MARCHF4: variants seen among roughly 807,000 people sequenced by gnomAD.
The protein encoded by MARCHF4 is membrane associated ring-CH-type finger 4, also known as E3 ubiquitin-protein ligase MARCHF4.
A neutral mutation model predicts 43.9 loss-of-function variants in MARCHF4; 14 were observed. That is an observed-to-expected ratio of 0.32 (90% CI 0.21 to 0.50). MARCHF4 has a LOEUF of 0.50. MARCHF4 is among the 20% of genes least tolerant of loss of function. The pLI is 0.98. For missense variants in MARCHF4, 468 were observed against 536.7 expected (o/e 0.87, Z 1.27); for synonymous variants, 226 against 213.3 (o/e 1.06, Z -0.52).
intron 3 of MARCHF4, chr2:216,265,535 G>T (rs60539512): frequency 0.16 from 23,741 of 151,222 alleles, 2,011 homozygotes; most frequent in South Asian, 0.25. Flanking sequence ...TCTCTCTGTT[G>T]CCCAGGCTGG....
intron 1 of MARCHF4, among the ~76,000 whole-genome samples, chr2:216,316,542 AGT>A (rs1346321190): frequency 6.6e-6 from 1 of 152,202 alleles, no homozygotes; most frequent in Non-Finnish European, 1.5e-5. Flanking sequence ...ATAGGTCCAC[AGT>A]CCTGGGAAAT....
At chr2:216,269,572 T>C (rs377175541) in intron 3 of MARCHF4, among the ~76,000 whole-genome samples, 16 of 152,316 alleles carry the variant, frequency 1.1e-4, no homozygotes, top group African/African-American at 3.9e-4. Flanking sequence ...ATTCTGATTA[T>C]AACAGTTTCG....
In MARCHF4 at chr2:216,329,273, C is replaced by T. The variant is rs142772455; in HGVS notation, c.516+40472G>A. ...GCGGGCACCTGTAGTCCCAGCTACT[C>T]GGGAGGCGGAGGCAGGAGAATGGCG... On this transcript the variant is annotated intron_variant, in intron 1 of 3. Transcript: ENST00000273067. Among the ~76,000 whole-genome samples the T allele has an allele frequency of 2.9e-3, 442 of 152,030 alleles. 3 individuals are homozygous for T. Among genetic ancestry groups the T allele is most frequent in the African/African-American group, 0.01 (427 of 41,456 alleles).
intron 1 of MARCHF4, among the ~76,000 whole-genome samples, chr2:216,349,043 G>T (rs1449462630): frequency 1.3e-5 from 2 of 151,810 alleles, no homozygotes; most frequent in Non-Finnish European, 2.9e-5. Flanking sequence ...CCAACTATCG[G>T]TCAGTTTGGG....
intron 1 of MARCHF4, among the ~76,000 whole-genome samples, chr2:216,323,771 C>T (rs1370393063): frequency 2.0e-5 from 3 of 151,978 alleles, no homozygotes; most frequent in Non-Finnish European, 4.4e-5. Context: ...CCAACGAGAA[C>T]AAAGACACAA....
At chr2:216,369,691 T>C in intron 1 of MARCHF4, 54 bp downstream of exon 1, 21 of 1,440,534 alleles carry the variant, frequency 1.5e-5, no homozygotes, top group Non-Finnish European at 2.0e-5. Context: ...CGAGTAGCAA[T>C]CTGCAAGACC....
intron 3 of MARCHF4, among the ~76,000 whole-genome samples, chr2:216,270,850 T>C (rs1356448938): frequency 1.3e-5 from 2 of 152,018 alleles, no homozygotes; most frequent in Non-Finnish European, 2.9e-5. Context: ...CCTAAGTACC[T>C]CTCAAGGTCA....
At chr2:216,270,157 CCTCAAACTCCTGAG>C (rs1449064613) in intron 3 of MARCHF4, among the ~76,000 whole-genome samples, 1 of 151,894 alleles carries the variant, frequency 6.6e-6, no homozygotes, top group Non-Finnish European at 1.5e-5. Context: ...CTCACTATAA[CCTCAAACTCCTGAG>C]CTCAAGTGAT....
intron 1 of MARCHF4, among the ~76,000 whole-genome samples, chr2:216,293,280 G>A (rs1256479609): frequency 6.6e-6 from 1 of 152,096 alleles, no homozygotes; most frequent in Non-Finnish European, 1.5e-5. Flanking sequence ...TGGCACCAAG[G>A]CCAAGTCTTG....
At chr2:216,350,459 T>C (rs2105979029) in intron 1 of MARCHF4, among the ~76,000 whole-genome samples, 1 of 150,564 alleles carries the variant, frequency 6.6e-6, no homozygotes, top group African/African-American at 2.4e-5. Flanking sequence ...CCACACTACC[T>C]TGCTTACCCA....
rs565449778 is a variant in MARCHF4 at position 216,328,898 on chromosome 2, C to T, written c.516+40847G>A. Among the ~76,000 whole-genome samples, 12 of 151,984 alleles carry T rather than the reference C, an allele frequency of 7.9e-5. No individual in the cohort carries two copies. The East Asian group carries it at 2.3e-3, about 29-fold the overall frequency. ...ACTAAACATACAAAAATTAGCCAGG[C>T]ATGGTGGTGGGTGCCTGTAATTCCA... On this transcript the variant is annotated intron_variant, in intron 1 of 3. Coordinates refer to ENST00000273067, the MANE Select transcript of MARCHF4 (RefSeq NM_020814.3).
At chr2:216,336,801 G>C (rs1692165722) in intron 1 of MARCHF4, among the ~76,000 whole-genome samples, 1 of 115,562 alleles carries the variant, frequency 8.7e-6, no homozygotes, top group Admixed American at 1.0e-4. Context: ...ACCCTTGTTA[G>C]AAACTGTAAA....
In MARCHF4 at chr2:216,283,692, A is replaced by G; in HGVS notation, c.554T>C (p.Val185Ala). The G allele has an allele frequency of 6.2e-7, 1 of 1,612,736 alleles. No homozygotes were observed. Among genetic ancestry groups the G allele is most frequent in the Non-Finnish European group, 8.5e-7 (1 of 1,178,864 alleles). ...GAGGCAAGGCTGGTGTGTGCACTTG[A>G]CCGAGCCATCACAGCGGCATGGGCT... ...LLSPCRCDGS[V>A]KCTHQPCLIK... The change falls in exon 2 of 4, where the codon GTC becomes GCC. Residue 185 changes from valine (V) to alanine (A), a missense_variant. Physicochemically the swap from Val to Ala is moderately conservative, Grantham distance 64. Coordinates refer to ENST00000273067, the MANE Select transcript of MARCHF4 (RefSeq NM_020814.3).
intron 1 of MARCHF4, among the ~76,000 whole-genome samples, chr2:216,305,688 C>T (rs989610020): frequency 6.6e-6 from 1 of 152,218 alleles, no homozygotes; most frequent in South Asian, 2.1e-4. Context: ...TGGCCAAGAG[C>T]ACTGAATCCA....
At position 216,311,137 on chromosome 2, in the gene MARCHF4, T is replaced by A. The variant is rs796696301; in HGVS notation, c.517-27408A>T. 1.1e-4 allele frequency among the ~76,000 whole-genome samples: 16 copies of A among 152,344 alleles called. 1 individual carries two copies. The highest frequency in any genetic ancestry group is 3.6e-4 in the African/African-American group (15 of 41,576). On this transcript the variant is annotated intron_variant, in intron 1 of 3. Transcript: ENST00000273067. The stretch of plus-strand genomic sequence containing the variant: ...TTTTCAAATAAACTTTAGAATCAAA[T>A]TCTGAATACTTATTAGATTCAGGAG...
Position 216,263,196 on chromosome 2 carries a change from G to C in MARCHF4, c.866-3517C>G, listed in dbSNP as rs1381998783. Among the ~76,000 whole-genome samples the C allele has an allele frequency of 4.6e-5, 7 of 152,324 alleles. No individual in the cohort carries two copies. In the East Asian group the frequency reaches 1.4e-3, roughly 29 times the overall value. Reference sequence around the variant, plus strand: ...AATCCCAGCACTTTGGGAGGCCGCGGCAGGTGGATCACCTGAGGTCAGGAA... The same window carrying C: ...AATCCCAGCACTTTGGGAGGCCGCGCCAGGTGGATCACCTGAGGTCAGGAA... On this transcript the variant is annotated intron_variant, in intron 3 of 3. Coordinates refer to ENST00000273067, the MANE Select transcript of MARCHF4 (RefSeq NM_020814.3).
At chr2:216,273,256 C>T (rs1364054649) in intron 3 of MARCHF4, among the ~76,000 whole-genome samples, 5 of 152,212 alleles carry the variant, frequency 3.3e-5, no homozygotes, top group Non-Finnish European at 5.9e-5. Flanking sequence ...TATGTTTACT[C>T]ATATTCTTTA....
At chr2:216,311,226 G>A (rs1160613361) in intron 1 of MARCHF4, among the ~76,000 whole-genome samples, 1 of 152,070 alleles carries the variant, frequency 6.6e-6, no homozygotes, top group Non-Finnish European at 1.5e-5. Flanking sequence ...AATAGTCCAT[G>A]TCTGAATTTT....
At chr2:216,362,372 AG>A (rs1445944653) in intron 1 of MARCHF4, among the ~76,000 whole-genome samples, 12 of 152,364 alleles carry the variant, frequency 7.9e-5, no homozygotes, top group African/African-American at 2.9e-4. Flanking sequence ...TGCAAGTAGC[AG>A]GGGAAACGAT....
Sources: allele counts gnomAD v4.1 joint callset (sites outside exome capture counted in the v4.1 genomes callset), GRCh38; gene constraint gnomAD v4.1.1; transcripts MANE v1.5; gene names NCBI Gene and HGNC (gene_info 2026-07-23, HGNC 2026-07-21).